MLXIP: variants seen among roughly 807,000 people sequenced by gnomAD.
MLXIP encodes MLX-interacting protein.
A neutral mutation model predicts 87.2 loss-of-function variants in MLXIP; 30 were observed. The observed-to-expected ratio is 0.34, with a 90% CI of 0.26 to 0.47. The LOEUF (loss-of-function observed/expected upper bound fraction) is 0.47, where lower values mean the gene tolerates loss of function less well. MLXIP is among the 20% of genes least tolerant of loss of function. The probability of loss-of-function intolerance (pLI) is 1.00; values close to 1 mark genes in which losing one functional copy is unlikely to be tolerated. For missense variants in MLXIP, 1,002 were observed against 1,240.1 expected, an observed-to-expected ratio of 0.81 and a Z score of 2.88; for synonymous variants, 530 against 514.0, an observed-to-expected ratio of 1.03 and a Z score of -0.42.
intron 1 of MLXIP, among the ~76,000 whole-genome samples, chr12:122,094,421 GGT>G (rs1213537687): frequency 6.5e-5 from 9 of 138,738 alleles, no homozygotes; most frequent in Non-Finnish European, 1.4e-4. Flanking sequence ...GTGTGTGTGG[GGT>G]GTGGGTGTGT....
rs1287403737 is a variant in MLXIP, at chr12:122,143,965, C to G, written c.*2153C>G. 4 of 152,774 alleles carry G rather than the reference C, an allele frequency of 2.6e-5. No homozygotes were observed. Among genetic ancestry groups the G allele is most frequent in the South Asian group, 4.1e-4 (2 of 4,836 alleles). The allele number at this position is 152,774 out of a possible 1,614,324, so 9.5% of individuals were successfully genotyped here. A position where few individuals can be genotyped will look rare whatever the true frequency, so the allele number is the denominator to read the frequency against. ...GCATGTCTTTGTATTGGAGATATTTCTGTAACTCATTCTCTTGGTGCTCAC... is the reference window on the plus strand; with the variant it reads ...GCATGTCTTTGTATTGGAGATATTTGTGTAACTCATTCTCTTGGTGCTCAC... On this transcript the variant is annotated 3_prime_UTR_variant, in exon 17 of 17. Transcript: ENST00000319080.
chr12:122,134,006 C>T lies in MLXIP; in HGVS notation c.1732+19C>T. The T allele has an allele frequency of 6.3e-7, 1 of 1,582,060 alleles. No individual in the cohort carries two copies. Among genetic ancestry groups the T allele is most frequent in the African/African-American group, 1.3e-5 (1 of 74,336 alleles). On this transcript the variant is annotated intron_variant, in intron 9 of 16. Transcript: ENST00000319080. ...GCCCCAGGTGAGCCAGGCGGGGAGA[C>T]TCAGTGCGGGGCTCCCCCCGACCCA...
intron 1 of MLXIP, among the ~76,000 whole-genome samples, chr12:122,097,014 T>C (rs1350793265): frequency 6.6e-6 from 1 of 152,226 alleles, no homozygotes; most frequent in Non-Finnish European, 1.5e-5. Context: ...TTTTGTCAGA[T>C]TGAGTCCGGA....
chr12:122,133,249 C>A lies in MLXIP; in HGVS notation c.1093-99C>A. The stretch of plus-strand genomic sequence containing the variant: ...AGACGTGGCCTTTGTCCCTCTGTCC[C>A]AGCGCCCGGCCTGTGTAGTTGGACT... On this transcript the variant is annotated intron_variant, in intron 8 of 16. Transcript: ENST00000319080. This position sits in a 1 kb window ranked among gnomAD's most constrained non-coding sequence, Gnocchi z 4.9. 1 of 1,403,292 alleles carries A rather than the reference C, an allele frequency of 7.1e-7. No individual in the cohort carries two copies. Among genetic ancestry groups the A allele is most frequent in the Non-Finnish European group, 9.5e-7 (1 of 1,050,476 alleles). The allele number at this position is 1,403,292 out of a possible 1,614,324, so 86.9% of individuals were successfully genotyped here.
chr12:122,139,236 G>A (rs945709131), intron 15 of MLXIP, among the ~76,000 whole-genome samples: 3 of 152,206 alleles, frequency 2.0e-5, no homozygotes, highest in Admixed American at 1.3e-4. Flanking sequence ...CTTGCAGAAG[G>A]TGCAGGGGAA....
In MLXIP at chr12:122,145,567, C is replaced by T. The variant is rs1246396500; in HGVS notation, c.*3755C>T. On this transcript the variant is annotated 3_prime_UTR_variant, in exon 17 of 17. Coordinates refer to ENST00000319080, the MANE Select transcript of MLXIP (RefSeq NM_014938.6). ...CGGCAGCTGGGGTGCAGGTAAGGGT[C>T]TCTCTCATAGAGGGGAGCTGCAGCT... 7 of 152,236 alleles carry T rather than the reference C, an allele frequency of 4.6e-5. No individual in the cohort carries two copies. The highest frequency in any genetic ancestry group is 1.7e-4 in the African/African-American group (7 of 41,586). 9.4% of individuals were successfully genotyped at this position (152,236 alleles called of 1,614,324 possible).
chr12:122,109,551 G>A (rs550763168), intron 1 of MLXIP, among the ~76,000 whole-genome samples: 6 of 152,246 alleles, frequency 3.9e-5, no homozygotes, highest in Non-Finnish European at 7.3e-5. Context: ...GATGTAATCC[G>A]TTCATACGTC....
At chr12:122,112,755 G>A (rs1411825134) in intron 1 of MLXIP, among the ~76,000 whole-genome samples, 2 of 152,172 alleles carry the variant, frequency 1.3e-5, no homozygotes, top group Non-Finnish European at 2.9e-5. Context: ...TGGACCTTTA[G>A]TTTAATGGGG....
chr12:122,132,476 G>C (rs992823029), intron 8 of MLXIP, 93 bp downstream of exon 8: 3 of 982,484 alleles, frequency 3.1e-6, no homozygotes, highest in Non-Finnish European at 4.7e-6. Context: ...TAATGGCATA[G>C]CCACACAGTC....
chr12:122,134,103 G>A (rs1169040022), intron 9 of MLXIP, 116 bp downstream of exon 9: 4 of 1,231,080 alleles, frequency 3.2e-6, no homozygotes, highest in Non-Finnish European at 4.4e-6. Context: ...GCACGTGCAT[G>A]CGCACACACA....
In MLXIP at chr12:122,078,824, C is replaced by A; in HGVS notation, c.-30C>A. On this transcript the variant is annotated 5_prime_UTR_variant, in exon 1 of 17. Coordinates refer to ENST00000319080, the MANE Select transcript of MLXIP (RefSeq NM_014938.6). ...CGCGCTTGTCGCGTTGCCCCGGGCT[C>A]CGGGGGATGCCCCCGGCCGAGCCCT... 1 of 1,048,670 alleles carries A rather than the reference C, an allele frequency of 9.5e-7. No homozygotes were observed. The allele number at this position is 1,048,670 out of a possible 1,614,324, so 65.0% of individuals were successfully genotyped here. A position where few individuals can be genotyped will look rare whatever the true frequency, so the allele number is the denominator to read the frequency against.
At chr12:122,115,010 GTGC>G (rs1224429323) in intron 1 of MLXIP, among the ~76,000 whole-genome samples, 1 of 151,832 alleles carries the variant, frequency 6.6e-6, no homozygotes, top group African/African-American at 2.4e-5. Context: ...GCCTCCCAAA[GTGC>G]TGGGATTACA....
At position 122,094,868 on chromosome 12, in the gene MLXIP, G is replaced by A. The variant is rs1044678574; in HGVS notation, c.413+15602G>A. On this transcript the variant is annotated intron_variant, in intron 1 of 16. Transcript: ENST00000319080. ...GTGTTTGCAGTGTTTCTATGGTGTG[G>A]TGTTGGTGTGTGTGGTACGTATGGG... is the stretch of plus-strand genomic sequence containing the variant. Among the ~76,000 whole-genome samples, 64 of 148,048 alleles carry A rather than the reference G, an allele frequency of 4.3e-4. No individual in the cohort carries two copies. The East Asian group carries it at 0.011, about 25-fold the overall frequency.
chr12:122,138,793 C>T (rs567926879), intron 14 of MLXIP, 22 bp from the exon 15 acceptor site: 6 of 1,610,954 alleles, frequency 3.7e-6, no homozygotes, highest in Middle Eastern at 1.8e-4. Flanking sequence ...CTCCACAGCT[C>T]CCACGGCTCC....
At chr12:122,138,385 G>T (rs1565989517) in intron 13 of MLXIP, 39 bp from the exon 14 acceptor site, 1 of 1,610,830 alleles carries the variant, frequency 6.2e-7, no homozygotes. Context: ...AGGCCTGCTG[G>T]CTGTGGGTGC....
At position 122,137,394 on chromosome 12, in the gene MLXIP, C is replaced by A; in HGVS notation, c.2033-75C>A. 1 of 1,544,708 alleles carries A rather than the reference C, an allele frequency of 6.5e-7. No homozygotes were observed. Among genetic ancestry groups the A allele is most frequent in the South Asian group, 1.2e-5 (1 of 81,182 alleles). On this transcript the variant is annotated intron_variant, in intron 11 of 16. Coordinates refer to ENST00000319080, the MANE Select transcript of MLXIP (RefSeq NM_014938.6). This position sits in a 1 kb window ranked among gnomAD's most constrained non-coding sequence, Gnocchi z 4.1. ...TAGCAGCGAGCACCTCATAACCCTG[C>A]AGAGACCCCAGGCTGCCTCCTGGTG...
At chr12:122,129,743 T>A (rs1021899227) in intron 5 of MLXIP, 114 bp downstream of exon 5, 44 of 1,407,998 alleles carry the variant, frequency 3.1e-5, no homozygotes, top group Admixed American at 3.9e-5. Context: ...CTCCCTGGAG[T>A]CTCAGGAATG....
At chr12:122,093,846 GTGTT>G (rs1346939191) in intron 1 of MLXIP, among the ~76,000 whole-genome samples, 2 of 145,210 alleles carry the variant, frequency 1.4e-5, no homozygotes, top group African/African-American at 5.2e-5. Context: ...TGTGGGGTGT[GTGTT>G]TGCAGTGTCT....
intron 1 of MLXIP, among the ~76,000 whole-genome samples, chr12:122,100,882 A>T (rs966469242): frequency 1.3e-5 from 2 of 152,240 alleles, no homozygotes; most frequent in African/African-American, 4.8e-5. Context: ...AATGGTATAC[A>T]TACAGACTCC....
Sources: gnomAD v4.1 joint callset for allele counts (sites outside exome capture counted in the v4.1 genomes callset) on GRCh38, gnomAD v4.1.1 for gene constraint, Gnocchi (gnomAD v3.1) non-coding constraint, MANE v1.5 for transcripts, NCBI Gene and HGNC (gene_info 2026-07-23, HGNC 2026-07-21) for gene names.